The following DLG2 variants were observed in gnomAD, a reference collection of about 807,000 sequenced individuals.
DLG2 encodes discs large MAGUK scaffold protein 2.
Under a neutral mutation model 132.5 loss-of-function variants are expected in DLG2, and 45 were observed. That is an observed-to-expected ratio of 0.34 (90% confidence interval 0.27 to 0.44). The LOEUF (loss-of-function observed/expected upper bound fraction) is 0.44. Ranked by LOEUF, DLG2 falls within the 20% of genes least tolerant of loss-of-function variation. DLG2 has a pLI of 1.00. For synonymous variants in DLG2, 424 were observed against 419.6 expected, an observed-to-expected ratio of 1.01 and a Z score of -0.13; for missense variants, 1,045 against 1,196.9, an observed-to-expected ratio of 0.87 and a Z score of 1.87.
intron 17 of DLG2, among the ~76,000 whole-genome samples, chr11:83,800,171 A>G (rs2043969577): frequency 6.6e-6 from 1 of 152,184 alleles, no homozygotes; most frequent in Admixed American, 6.5e-5. Context: ...ACAGAAAAGC[A>G]CAATCCTAGG....
rs764412888 is a variant in DLG2, at chr11:83,874,399, G to C, written c.1565+21C>G. The C allele has an allele frequency of 2.6e-6, 4 of 1,556,826 alleles. No homozygotes were observed. In the African/African-American group the frequency reaches 5.5e-5, roughly 21 times the overall value. On this transcript the variant is annotated intron_variant, in intron 16 of 27. Transcript: ENST00000376104. ...TATTCCAAGGCTGCACAGTTTAAGA[G>C]GTTCTGTATTATTATCTTACCCTTC... is the stretch of plus-strand genomic sequence containing the variant.
intron 21 of DLG2, among the ~76,000 whole-genome samples, chr11:83,522,812 C>G (rs11825698): frequency 8.1e-5 from 11 of 136,170 alleles, no homozygotes; most frequent in African/African-American, 1.6e-4. Flanking sequence ...GAGCCCCCCC[C>G]CCCTTTTTTT....
intron 7 of DLG2, among the ~76,000 whole-genome samples, chr11:84,509,229 C>CTAA (rs2099250627): frequency 6.6e-6 from 1 of 152,138 alleles, no homozygotes; most frequent in Non-Finnish European, 1.5e-5. Flanking sequence ...AAAATGTCTC[C>CTAA]TTTAGATAAA....
intron 7 of DLG2, among the ~76,000 whole-genome samples, chr11:84,268,623 G>A (rs1386031370): frequency 2.9e-5 from 4 of 136,618 alleles, no homozygotes; most frequent in Non-Finnish European, 4.8e-5. Context: ...CACCACGCCC[G>A]GCTAATTTTT....
At chr11:83,935,213 T>G (rs2081193491) in intron 14 of DLG2, among the ~76,000 whole-genome samples, 1 of 152,138 alleles carries the variant, frequency 6.6e-6, no homozygotes, top group Non-Finnish European at 1.5e-5. Flanking sequence ...CCAGATATCA[T>G]TTGAGGAAAA....
At chr11:84,087,263 A>G (rs2097001467) in intron 10 of DLG2, among the ~76,000 whole-genome samples, 1 of 152,174 alleles carries the variant, frequency 6.6e-6, no homozygotes, top group Admixed American at 6.5e-5. Flanking sequence ...CCATTTTACA[A>G]TCCCACCAGG....
chr11:85,586,439 T>C (rs1416167582), intron 3 of DLG2, among the ~76,000 whole-genome samples: 1 of 152,186 alleles, frequency 6.6e-6, no homozygotes, highest in African/African-American at 2.4e-5. Flanking sequence ...TCTAGAAGGG[T>C]TGTATATTTC....
At chr11:84,352,300 T>A (rs575650526) in intron 7 of DLG2, among the ~76,000 whole-genome samples, 1 of 152,288 alleles carries the variant, frequency 6.6e-6, no homozygotes, top group South Asian at 2.1e-4. Flanking sequence ...AGGAGTTTCC[T>A]TATAAATAGG....
At position 83,980,654 on chromosome 11, in the gene DLG2, G is replaced by A. The variant is rs1353181926; in HGVS notation, c.920-12C>T. On this transcript the variant is annotated splice_polypyrimidine_tract_variant and intron_variant, in intron 11 of 27. Coordinates refer to ENST00000376104, the MANE Select transcript of DLG2 (RefSeq NM_001142699.3). ...ACTGAAGCCTAAACCTATAAGAAAG[G>A]AACAGAAAATGGAAAGCCTTGTTTT... 1 of 1,551,940 alleles carries A rather than the reference G, an allele frequency of 6.4e-7. No homozygotes were observed.
At chr11:85,240,710 A>G (rs2075833139) in intron 4 of DLG2, among the ~76,000 whole-genome samples, 2 of 151,742 alleles carry the variant, frequency 1.3e-5, no homozygotes, top group African/African-American at 2.4e-5. Flanking sequence ...TCAACATTTC[A>G]CACACATAAG....
chr11:83,629,612 T>C (rs2063221730), intron 19 of DLG2, among the ~76,000 whole-genome samples: 1 of 152,182 alleles, frequency 6.6e-6, no homozygotes, highest in South Asian at 2.1e-4. Context: ...GTAGCATTTA[T>C]ACAAAAGGTG....
intron 7 of DLG2, among the ~76,000 whole-genome samples, chr11:84,373,988 A>G (rs868329365): frequency 6.6e-6 from 1 of 152,184 alleles, no homozygotes; most frequent in African/African-American, 2.4e-5. Context: ...GATACTTTAC[A>G]TGAACACATT....
chr11:85,413,456 T>G (rs1272223927), intron 3 of DLG2, among the ~76,000 whole-genome samples: 1 of 152,046 alleles, frequency 6.6e-6, no homozygotes, highest in Non-Finnish European at 1.5e-5. Context: ...GTTTTTGGGT[T>G]CTTGGTCATG....
intron 8 of DLG2, among the ~76,000 whole-genome samples, chr11:84,219,884 T>C (rs1316019233): frequency 6.6e-6 from 1 of 152,242 alleles, no homozygotes; most frequent in Non-Finnish European, 1.5e-5. Flanking sequence ...ACATGTACTG[T>C]AACTTGGTTC....
chr11:85,438,178 C>G (rs927895062), intron 3 of DLG2, among the ~76,000 whole-genome samples: 2 of 152,076 alleles, frequency 1.3e-5, no homozygotes, highest in Admixed American at 6.6e-5. Context: ...AACTATAGAG[C>G]AAGAACTCAC....
Position 84,502,214 on chromosome 11 carries a change from C to CTTTCTT in DLG2, c.519+32355_519+32356insAAGAAA, listed in dbSNP as rs1567803466. Among the ~76,000 whole-genome samples, 2 of 11,648 alleles carry CTTTCTT rather than the reference C, an allele frequency of 1.7e-4. 1 individual carries two copies. 7.6% of individuals were successfully genotyped at this position (11,648 alleles called of 152,430 possible). ...TCTCTCTCTCTCTCCTTCCTTCCTT[C>CTTTCTT]CTTCCTTCCTTCCTTCCTTCCTTCC... On this transcript the variant is annotated intron_variant, in intron 7 of 27. Transcript: ENST00000376104.
At chr11:84,391,682 A>G (rs2098792958) in intron 7 of DLG2, among the ~76,000 whole-genome samples, 1 of 152,114 alleles carries the variant, frequency 6.6e-6, no homozygotes, top group East Asian at 1.9e-4. Context: ...AGCTGATTGT[A>G]TTCCGAGACT....
At chr11:84,530,151 G>C (rs1314429025) in intron 7 of DLG2, among the ~76,000 whole-genome samples, 1 of 152,004 alleles carries the variant, frequency 6.6e-6, no homozygotes, top group African/African-American at 2.4e-5. Flanking sequence ...AACTCAAGAT[G>C]GATTAAAGAC....
intron 3 of DLG2, among the ~76,000 whole-genome samples, chr11:85,512,909 C>T (rs2094105953): frequency 6.6e-6 from 1 of 152,080 alleles, no homozygotes; most frequent in Non-Finnish European, 1.5e-5. Context: ...TATTGCAGCA[C>T]TATTCACAAC....
Sources: gnomAD v4.1 joint callset for allele counts (sites outside exome capture counted in the v4.1 genomes callset) on GRCh38, gnomAD v4.1.1 for gene constraint, MANE v1.5 for transcripts, NCBI Gene and HGNC (gene_info 2026-07-23, HGNC 2026-07-21) for gene names.